RMDN1: variants seen among roughly 807,000 people sequenced by gnomAD.
RMDN1 encodes the protein regulator of microtubule dynamics protein 1.
A neutral mutation model predicts 48.9 loss-of-function variants in RMDN1; 48 were observed. The observed-to-expected ratio is 0.98, with a 90% CI of 0.78 to 1.25. RMDN1 has a LOEUF of 1.25. RMDN1 is among the 50% of genes most tolerant of loss of function. RMDN1 has a pLI of 0.00. For missense variants in RMDN1, 418 were observed against 373.4 expected (o/e 1.12, Z -0.98); for synonymous variants, 148 against 132.6 (o/e 1.12, Z -0.80).
rs975426821 is a variant in RMDN1 at position 86,473,299 on chromosome 8, A to G, written c.*1009T>C. On this transcript the variant is annotated 3_prime_UTR_variant, in exon 10 of 10. Coordinates refer to ENST00000406452, the MANE Select transcript of RMDN1 (RefSeq NM_016033.3). The stretch of plus-strand genomic sequence containing the variant: ...AAGATGCTCCTTTTTACAAAACTTA[A>G]AAAGATTTTGCAGTGGTGGCACTCC... 162 of 985,318 alleles carry G rather than the reference A, an allele frequency of 1.6e-4. No individual in the cohort carries two copies. The highest frequency in any genetic ancestry group is 1.9e-4 in the Non-Finnish European group (158 of 829,934). 61.0% of individuals were successfully genotyped at this position (985,318 alleles called of 1,614,324 possible).
upstream of RMDN1, chr8:86,508,916 A>AG: frequency 3.3e-6 from 2 of 600,218 alleles, no homozygotes; most frequent in Non-Finnish European, 4.6e-6. Context: ...CCATCTCTCT[A>AG]GGGGGTCTTT....
At chr8:86,482,426 G>A (rs545608216) in intron 5 of RMDN1, 67 of 450,478 alleles carry the variant, frequency 1.5e-4, no homozygotes, top group South Asian at 9.6e-4. Flanking sequence ...AGGAGGCTCT[G>A]TAAATCTTTG....
At chr8:86,477,357 A>G in intron 7 of RMDN1, 33 bp from the exon 8 acceptor site, 1 of 1,548,338 alleles carries the variant, frequency 6.5e-7, no homozygotes, top group South Asian at 1.2e-5. Flanking sequence ...AAACATAATA[A>G]AAAAGATTAA....
chr8:86,488,482 G>A (rs1397292176), intron 3 of RMDN1, 70 bp downstream of exon 3: 5 of 831,024 alleles, frequency 6.0e-6, no homozygotes, highest in East Asian at 2.7e-5. Context: ...AGCACTAAGG[G>A]TCATTTTAAT....
At chr8:86,506,481 T>C (rs1563665513) in intron 2 of RMDN1, among the ~76,000 whole-genome samples, 1 of 152,228 alleles carries the variant, frequency 6.6e-6, no homozygotes, top group Admixed American at 6.5e-5. Context: ...CGAGATAGTA[T>C]GAGTCAATGT....
rs931984868 is a variant in RMDN1 at position 86,504,530 on chromosome 8, C to T, written c.247+2465G>A. The T allele has an allele frequency of 2.1e-6, 3 of 1,403,766 alleles. No individual in the cohort carries two copies. In the Admixed American group the frequency reaches 5.0e-5, roughly 24 times the overall value. The allele number at this position is 1,403,766 out of a possible 1,614,324, so 87.0% of individuals were successfully genotyped here. A position where few individuals can be genotyped will look rare whatever the true frequency, so the allele number is the denominator to read the frequency against. On this transcript the variant is annotated intron_variant, in intron 2 of 9. Coordinates refer to ENST00000406452, the MANE Select transcript of RMDN1 (RefSeq NM_016033.3). ...ACCATTGGTGCACGTGTGTTTAATA[C>T]TATCTTCACTGTAGTTTCCCTATTT...
upstream of RMDN1, among the ~76,000 whole-genome samples, chr8:86,512,893 G>A (rs983420682): frequency 2.0e-5 from 3 of 151,906 alleles, no homozygotes; most frequent in Admixed American, 6.6e-5. Flanking sequence ...GAGCAACATA[G>A]TGAGACCCCA....
At chr8:86,470,442 C>A (rs1394774799), downstream of RMDN1, 2 of 1,242,720 alleles carry the variant, frequency 1.6e-6, no homozygotes, top group South Asian at 1.4e-5. Context: ...ACTTAGTGCA[C>A]AGAATCAGAA....
chr8:86,495,595 C>G lies in RMDN1; in HGVS notation c.248-6956G>C, dbSNP rs148901880. Among the ~76,000 whole-genome samples the G allele has an allele frequency of 2.6e-5, 4 of 152,220 alleles. No individual in the cohort carries two copies. The East Asian group carries it at 7.7e-4, about 29-fold the overall frequency. On this transcript the variant is annotated intron_variant, in intron 2 of 9. Coordinates refer to ENST00000406452, the MANE Select transcript of RMDN1 (RefSeq NM_016033.3). ...GCCTATCTCATCTGAACATCCTTGT[C>G]TGCCAGCCTCTCCCAGGGTCCCTGC...
chr8:86,471,795 C>T (rs1586560460), downstream of RMDN1, among the ~76,000 whole-genome samples: 1 of 152,140 alleles, frequency 6.6e-6, no homozygotes, highest in African/African-American at 2.4e-5. Context: ...GTTGGAACAG[C>T]GGTTCTCAAA....
At chr8:86,499,730 C>T (rs1016100496) in intron 2 of RMDN1, among the ~76,000 whole-genome samples, 9 of 152,118 alleles carry the variant, frequency 5.9e-5, no homozygotes, top group Non-Finnish European at 1.2e-4. Context: ...GCCCAAATAG[C>T]CAAGGCGATC....
intron 6 of RMDN1, among the ~76,000 whole-genome samples, chr8:86,479,722 T>G (rs72690416): frequency 0.22 from 33,724 of 152,110 alleles, 4,008 homozygotes; most frequent in Non-Finnish European, 0.27. Context: ...ACTGGTACCC[T>G]TCTTAGATGG....
chr8:86,469,042 A>G (rs1221675032), downstream of RMDN1, among the ~76,000 whole-genome samples: 3 of 151,764 alleles, frequency 2.0e-5, no homozygotes, highest in African/African-American at 4.8e-5. Context: ...CCACCAGTAA[A>G]TGGCCCAGGG....
chr8:86,508,446 C>A (rs1004324262), intron 1 of RMDN1, 46 bp downstream of exon 1: 4 of 1,520,896 alleles, frequency 2.6e-6, no homozygotes, highest in Non-Finnish European at 3.5e-6. Context: ...GAGCCGGAAC[C>A]CACTGAGTAG....
intron 4 of RMDN1, 78 bp downstream of exon 4, chr8:86,486,406 A>G (rs1336048487): frequency 1.4e-5 from 14 of 1,021,864 alleles, no homozygotes; most frequent in Middle Eastern, 2.7e-4. Context: ...TGTTCTTCCA[A>G]TGTAAATCAG....
At chr8:86,508,836 C>G (rs939069129), upstream of RMDN1, 8 of 1,261,822 alleles carry the variant, frequency 6.3e-6, no homozygotes, top group Admixed American at 4.2e-5. Context: ...ACTTAATGGA[C>G]TTTCCGCGCC....
At chr8:86,494,957 C>T (rs1163964261) in intron 2 of RMDN1, 2 of 426,698 alleles carry the variant, frequency 4.7e-6, no homozygotes, top group Admixed American at 5.5e-5. Flanking sequence ...CTCAGTGACA[C>T]AGCGAGACTC....
chr8:86,477,396 C>CAA (rs1813568208), intron 7 of RMDN1, 72 bp from the exon 8 acceptor site: 2 of 1,146,940 alleles, frequency 1.7e-6, no homozygotes, highest in African/African-American at 1.6e-5. Flanking sequence ...AGCATTGTCT[C>CAA]AAAGATCTAC....
intron 2 of RMDN1, among the ~76,000 whole-genome samples, chr8:86,497,700 C>CAAAA (rs1213399491): frequency 1.5e-5 from 1 of 68,252 alleles, no homozygotes; most frequent in East Asian, 4.3e-4. Flanking sequence ...GACACTATCT[C>CAAAA]AAAAAAAAAA....
Sources: allele counts gnomAD v4.1 joint callset (sites outside exome capture counted in the v4.1 genomes callset), GRCh38; gene constraint gnomAD v4.1.1; transcripts MANE v1.5; gene names NCBI Gene and HGNC (gene_info 2026-07-23, HGNC 2026-07-21).